Variants in MAST4 observed in about 807,000 individuals in gnomAD.
The protein encoded by MAST4 is microtubule associated serine/threonine kinase family member 4.
In MAST4, 89 loss-of-function variants were observed where a neutral mutation model predicts 162.7. The observed-to-expected ratio is 0.55, with a 90% CI of 0.46 to 0.65. The LOEUF is 0.65. Ranked by LOEUF, MAST4 falls within the 30% of genes least tolerant of loss-of-function variation. The probability of loss-of-function intolerance (pLI) is 0.00; values close to 1 mark genes in which losing one functional copy is unlikely to be tolerated. For synonymous variants in MAST4, 1,479 were observed against 1,361.1 expected (o/e 1.09, Z -1.91); for missense variants, 3,153 against 3,374.0 (o/e 0.93, Z 1.62).
chr5:66,897,017 T>C (rs1318032331), intron 3 of MAST4, among the ~76,000 whole-genome samples: 1 of 152,228 alleles, frequency 6.6e-6, no homozygotes, highest in Non-Finnish European at 1.5e-5. Flanking sequence ...CAAGTAATGA[T>C]AAACAGCAAC....
intron 8 of MAST4, among the ~76,000 whole-genome samples, chr5:67,100,971 C>T (rs1764959537): frequency 6.6e-6 from 1 of 152,190 alleles, no homozygotes; most frequent in Non-Finnish European, 1.5e-5. Flanking sequence ...ATTCCAGATT[C>T]CATATTACAA....
intron 1 of MAST4, among the ~76,000 whole-genome samples, chr5:66,676,278 A>G (rs1437310536): frequency 6.6e-6 from 1 of 152,132 alleles, no homozygotes; most frequent in Non-Finnish European, 1.5e-5. Context: ...AGTTGCAAAG[A>G]GGGAGGTTTA....
intron 5 of MAST4, among the ~76,000 whole-genome samples, chr5:67,059,165 G>A (rs1161106528): frequency 6.6e-6 from 1 of 152,220 alleles, no homozygotes; most frequent in Non-Finnish European, 1.5e-5. Context: ...TCAGCAAGGA[G>A]CTGCTTTTCA....
chr5:67,153,666 C>T, intron 26 of MAST4, 86 bp downstream of exon 26: 5 of 1,254,002 alleles, frequency 4.0e-6, no homozygotes, highest in Non-Finnish European at 5.3e-6. Context: ...CCCTGTGTCA[C>T]ACCCATGTCT....
rs1165066113 is a variant in MAST4 at position 66,890,393 on chromosome 5, G to A, written c.643-9558G>A. On this transcript the variant is annotated intron_variant, in intron 3 of 28. Coordinates refer to ENST00000403625, the MANE Select transcript of MAST4 (RefSeq NM_001164664.2). Reference sequence around the variant, plus strand: ...GTACAAATGTCTGATTCTCAAGCTCGATTTTGACATCAAGGGTATAATGTG... The same window carrying A: ...GTACAAATGTCTGATTCTCAAGCTCAATTTTGACATCAAGGGTATAATGTG... 2.0e-5 allele frequency among the ~76,000 whole-genome samples: 3 copies of A among 152,196 alleles called. No homozygotes were observed. The East Asian group carries it at 5.8e-4, about 29-fold the overall frequency.
intron 5 of MAST4, among the ~76,000 whole-genome samples, chr5:67,084,952 C>T (rs951253603): frequency 3.9e-5 from 6 of 152,158 alleles, no homozygotes; most frequent in African/African-American, 1.4e-4. Context: ...CTAAATGTTA[C>T]ATATGAGAAC....
intron 6 of MAST4, 77 bp downstream of exon 6, chr5:67,090,308 C>T: frequency 2.2e-6 from 2 of 918,242 alleles, no homozygotes; most frequent in South Asian, 1.5e-5. Context: ...CCCACTTCTC[C>T]CCCTCCCCAC....
intron 1 of MAST4, among the ~76,000 whole-genome samples, chr5:66,697,966 G>A (rs1199950851): frequency 6.6e-6 from 1 of 151,982 alleles, no homozygotes; most frequent in Non-Finnish European, 1.5e-5. Context: ...GTCCTAACTC[G>A]ATTCCCAACA....
intron 1 of MAST4, among the ~76,000 whole-genome samples, chr5:66,700,884 T>A (rs1749732253): frequency 6.6e-6 from 1 of 151,686 alleles, no homozygotes; most frequent in South Asian, 2.1e-4. Context: ...GTCCTTTTAT[T>A]TGTATAAAAT....
At chr5:66,843,097 T>A (rs146199575) in intron 3 of MAST4, among the ~76,000 whole-genome samples, 118 of 152,268 alleles carry the variant, frequency 7.7e-4, no homozygotes, top group African/African-American at 2.7e-3. Flanking sequence ...TTAAATCTAC[T>A]CCATGTAAAA....
At chr5:67,114,464 C>T (rs1400845504) in intron 12 of MAST4, 3 of 427,778 alleles carry the variant, frequency 7.0e-6, no homozygotes, top group Non-Finnish European at 4.1e-6. Context: ...AGAAGCATGT[C>T]AGCCTGAGAA....
At chr5:66,854,198 C>T (rs1759512469) in intron 3 of MAST4, among the ~76,000 whole-genome samples, 1 of 152,140 alleles carries the variant, frequency 6.6e-6, no homozygotes, top group South Asian at 2.1e-4. Flanking sequence ...TACTGCCTAG[C>T]ACACAGTAGA....
intron 3 of MAST4, 80 bp from the exon 4 acceptor site, chr5:66,899,871 T>A: frequency 8.8e-7 from 1 of 1,136,646 alleles, no homozygotes; most frequent in Non-Finnish European, 1.2e-6. Context: ...GGATGATACA[T>A]TCTACGTTAT....
At chr5:66,756,213 C>T (rs992339666) in intron 1 of MAST4, among the ~76,000 whole-genome samples, 3 of 152,132 alleles carry the variant, frequency 2.0e-5, no homozygotes, top group African/African-American at 4.8e-5. Flanking sequence ...TTCTATGGCT[C>T]TTGTTGGAGG....
chr5:66,768,772 G>A (rs754570968), intron 2 of MAST4, among the ~76,000 whole-genome samples: 1 of 152,110 alleles, frequency 6.6e-6, no homozygotes, highest in Non-Finnish European at 1.5e-5. Context: ...TTTTCAAGAT[G>A]TTACCATTGG....
rs750324419 is a variant in MAST4 at position 66,828,798 on chromosome 5, G to A, written c.642+40004G>A. The stretch of plus-strand genomic sequence containing the variant: ...AGCGTGCTGAAGTAGAGGTAGTACA[G>A]CATGGCTAGACTGTTGTGAGAGGCT... On this transcript the variant is annotated intron_variant, in intron 3 of 28. Coordinates refer to ENST00000403625, the MANE Select transcript of MAST4 (RefSeq NM_001164664.2). The A allele has an allele frequency of 4.4e-6, 7 of 1,594,094 alleles. 1 individual carries two copies. Among genetic ancestry groups the A allele is most frequent in the Non-Finnish European group, 5.1e-6 (6 of 1,170,242 alleles).
chr5:66,656,178 A>G (rs1250308829), intron 1 of MAST4, among the ~76,000 whole-genome samples: 3 of 152,224 alleles, frequency 2.0e-5, no homozygotes, highest in Non-Finnish European at 4.4e-5. Context: ...AAGGGCTGGA[A>G]GACCTTTCTG....
chr5:66,623,470 T>A (rs1357466150), intron 1 of MAST4, among the ~76,000 whole-genome samples: 1 of 152,252 alleles, frequency 6.6e-6, no homozygotes, highest in Non-Finnish European at 1.5e-5. Context: ...ATCCCTGGGA[T>A]GCAAGGATGG....
chr5:67,153,119 A>G (rs1332250890), intron 25 of MAST4, among the ~76,000 whole-genome samples: 1 of 152,220 alleles, frequency 6.6e-6, no homozygotes, highest in East Asian at 1.9e-4. Context: ...GACATAGTCA[A>G]AGGCAATCCT....
Sources: gnomAD v4.1 joint callset for allele counts (sites outside exome capture counted in the v4.1 genomes callset) on GRCh38, gnomAD v4.1.1 for gene constraint, MANE v1.5 for transcripts, NCBI Gene and HGNC (gene_info 2026-07-23, HGNC 2026-07-21) for gene names.